MED13L: variants seen among roughly 807,000 people sequenced by gnomAD.
The protein encoded by MED13L is mediator complex subunit 13L.
In MED13L, 7 loss-of-function variants were observed where a neutral mutation model predicts 220.9. The observed-to-expected ratio is 0.03, with a 90% CI of 0.02 to 0.06. MED13L has a LOEUF of 0.06. MED13L is among the 10% of genes least tolerant of loss of function. The probability of loss-of-function intolerance (pLI) is 1.00; values close to 1 mark genes in which losing one functional copy is unlikely to be tolerated. For missense variants in MED13L, 1,965 were observed against 2,760.5 expected (o/e 0.71, Z 6.46); for synonymous variants, 1,011 against 1,015.2 (o/e 1.00, Z 0.08).
intron 4 of MED13L, among the ~76,000 whole-genome samples, chr12:116,024,544 T>G (rs753862387): frequency 1.6e-4 from 25 of 152,160 alleles, no homozygotes; most frequent in Admixed American, 3.3e-4. Flanking sequence ...GTCAGATATA[T>G]AGTTTGCAAA....
At chr12:115,994,078 T>C (rs1430894204) in intron 16 of MED13L, among the ~76,000 whole-genome samples, 1 of 152,178 alleles carries the variant, frequency 6.6e-6, no homozygotes, top group Non-Finnish European at 1.5e-5. Context: ...AGTCTTGGTC[T>C]CACTAGCCAC....
In MED13L at chr12:115,991,953, C is replaced by A. The variant is rs767278412; in HGVS notation, c.3001G>T (p.Val1001Leu). The A allele has an allele frequency of 4.4e-6, 7 of 1,598,986 alleles. No individual in the cohort carries two copies. The highest frequency in any genetic ancestry group is 1.3e-5 in the African/African-American group (1 of 74,922). Residue 1001 changes from valine (V) to leucine (L), a missense_variant, in exon 17 of 31, where the codon GTG (valine) becomes TTG (leucine). By Grantham distance (32) the Val-to-Leu change is conservative. Transcript: ENST00000281928. The surrounding 1 kb of genome is among the most constrained non-coding windows in gnomAD (Gnocchi z 7.7). ...ATFIRDGYNNVPSVGSLADPD... is the reference protein window; with the variant it reads ...ATFIRDGYNNLPSVGSLADPD... The stretch of plus-strand genomic sequence containing the variant: ...TCTGCTAGGCTCCCAACACTAGGCA[C>A]GTTACTACAAAAAGAGAAGGCACCA...
At chr12:116,093,954 C>A (rs763702145) in intron 4 of MED13L, among the ~76,000 whole-genome samples, 3 of 152,056 alleles carry the variant, frequency 2.0e-5, no homozygotes, top group Non-Finnish European at 2.9e-5. Context: ...TTCACTATAA[C>A]CCTCTAAGAC....
chr12:116,012,556 T>C (rs1179153698), intron 9 of MED13L, among the ~76,000 whole-genome samples: 1 of 152,228 alleles, frequency 6.6e-6, no homozygotes. Context: ...GCCTTTAGTT[T>C]TGAAGCTGCT....
At chr12:116,042,178 G>C (rs1881572779) in intron 4 of MED13L, among the ~76,000 whole-genome samples, 2 of 152,168 alleles carry the variant, frequency 1.3e-5, no homozygotes, top group South Asian at 4.1e-4. Context: ...CACCAGCCAA[G>C]TACCACTGAT....
chr12:116,023,655 C>T (rs1057083605), intron 4 of MED13L, among the ~76,000 whole-genome samples: 2 of 152,078 alleles, frequency 1.3e-5, no homozygotes, highest in Non-Finnish European at 2.9e-5. Context: ...ATATATTCTC[C>T]TTTGACCAGT....
intron 2 of MED13L, among the ~76,000 whole-genome samples, chr12:116,200,379 T>C (rs942399026): frequency 5.3e-5 from 8 of 152,194 alleles, no homozygotes; most frequent in African/African-American, 1.9e-4. Flanking sequence ...ATTAATTATA[T>C]TCACAATAAA....
chr12:116,207,501 G>A (rs1882414324), intron 2 of MED13L, among the ~76,000 whole-genome samples: 1 of 152,168 alleles, frequency 6.6e-6, no homozygotes, highest in East Asian at 1.9e-4. Flanking sequence ...GCATTTCTCA[G>A]AGGCATTAAG....
chr12:116,034,853 A>G (rs1422191892), intron 4 of MED13L, among the ~76,000 whole-genome samples: 2 of 152,134 alleles, frequency 1.3e-5, no homozygotes, highest in African/African-American at 4.8e-5. Context: ...TAAAAATACA[A>G]AAATTAGCCA....
intron 4 of MED13L, among the ~76,000 whole-genome samples, chr12:116,032,436 C>T (rs1880911543): frequency 6.6e-6 from 1 of 152,162 alleles, no homozygotes; most frequent in African/African-American, 2.4e-5. Context: ...ACTCAGAAAT[C>T]AACCCTCCAA....
intron 2 of MED13L, among the ~76,000 whole-genome samples, chr12:116,120,471 TCTCTCTCACACACACA>T (rs1294778920): frequency 7.0e-5 from 8 of 114,586 alleles, no homozygotes; most frequent in Admixed American, 1.8e-4. Context: ...TCTCTCTCTC[TCTCTCTCACACACACA>T]CACACACACA....
intron 12 of MED13L, 42 bp from the exon 13 acceptor site, chr12:116,006,035 C>T (rs1485244266): frequency 6.2e-7 from 1 of 1,612,490 alleles, no homozygotes; most frequent in East Asian, 2.2e-5. Flanking sequence ...AACAACTCCA[C>T]CAAGCGCAAA....
intron 4 of MED13L, among the ~76,000 whole-genome samples, chr12:116,030,120 G>A (rs923493306): frequency 4.0e-5 from 6 of 151,848 alleles, no homozygotes; most frequent in Non-Finnish European, 7.4e-5. Context: ...GATGTGCGCC[G>A]CTACGCCCAG....
intron 2 of MED13L, among the ~76,000 whole-genome samples, chr12:116,225,836 AAAGT>A (rs1307896916): frequency 6.6e-6 from 1 of 152,190 alleles, no homozygotes; most frequent in South Asian, 2.1e-4. Context: ...CTTGTGTCAG[AAAGT>A]AAGCCTTCAA....
chr12:116,240,471 A>G (rs747209584), intron 1 of MED13L, among the ~76,000 whole-genome samples: 2 of 152,186 alleles, frequency 1.3e-5, no homozygotes, highest in African/African-American at 2.4e-5. Flanking sequence ...ATCTATAAAC[A>G]TCAAAGAAGG....
intron 4 of MED13L, among the ~76,000 whole-genome samples, chr12:116,079,608 C>A (rs986506710): frequency 6.6e-6 from 1 of 151,754 alleles, no homozygotes; most frequent in Non-Finnish European, 1.5e-5. Context: ...GCGTGATCAC[C>A]GCTCATTGCA....
intron 8 of MED13L, among the ~76,000 whole-genome samples, chr12:116,014,426 A>C (rs1211536570): frequency 1.3e-5 from 2 of 152,232 alleles, no homozygotes; most frequent in African/African-American, 4.8e-5. Context: ...TGTTTACATA[A>C]ATCTTGATAA....
At chr12:116,130,244 C>T (rs1046219710) in intron 2 of MED13L, among the ~76,000 whole-genome samples, 3 of 152,100 alleles carry the variant, frequency 2.0e-5, no homozygotes, top group Non-Finnish European at 4.4e-5. Context: ...ATGTTTTATA[C>T]TTGCTTTACT....
In MED13L at chr12:116,277,602, T is replaced by C. The variant is rs1367520425; in HGVS notation, c.-471A>G. 6.8e-6 allele frequency among the ~76,000 whole-genome samples: 1 copy of C among 148,022 alleles called. No homozygotes were observed. The highest frequency in any genetic ancestry group is 2.5e-5 in the African/African-American group (1 of 40,460). On this transcript the variant is annotated 5_prime_UTR_variant, in exon 1 of 31. Coordinates refer to ENST00000281928, the MANE Select transcript of MED13L (RefSeq NM_015335.5). ...GGGCGACCCCGGCAGCCGAGCGACG[T>C]CCCCTCCTTCCTCTTCCTCCCCCAC...
Sources: gnomAD v4.1 joint callset for allele counts (sites outside exome capture counted in the v4.1 genomes callset) on GRCh38, gnomAD v4.1.1 for gene constraint, Gnocchi (gnomAD v3.1) non-coding constraint, MANE v1.5 for transcripts, NCBI Gene and HGNC (gene_info 2026-07-23, HGNC 2026-07-21) for gene names.